CDH8: variants seen among roughly 807,000 people sequenced by gnomAD.
The protein encoded by CDH8 is cadherin-8.
Under a neutral mutation model 68.1 loss-of-function variants are expected in CDH8, and 17 were observed. The observed-to-expected ratio is 0.25, with a 90% CI of 0.17 to 0.37. The LOEUF is 0.37. CDH8 is among the 10% of genes least tolerant of loss of function. CDH8 has a pLI of 1.00. For missense variants in CDH8, 763 were observed against 999.3 expected (o/e 0.76, Z 3.19); for synonymous variants, 372 against 365.1 (o/e 1.02, Z -0.21).
intron 10 of CDH8, among the ~76,000 whole-genome samples, chr16:61,683,207 C>G (rs1444827249): frequency 1.3e-5 from 2 of 151,870 alleles, no homozygotes; most frequent in Non-Finnish European, 2.9e-5. Context: ...CAGAGTTGGG[C>G]AAAATTTTCA....
At chr16:61,972,190 A>C (rs924028053) in intron 2 of CDH8, among the ~76,000 whole-genome samples, 1 of 152,166 alleles carries the variant, frequency 6.6e-6, no homozygotes, top group Admixed American at 6.5e-5. Context: ...GCCTGCCACC[A>C]TGTAAGATGT....
At chr16:61,979,252 C>T (rs928339288) in intron 2 of CDH8, among the ~76,000 whole-genome samples, 4 of 152,034 alleles carry the variant, frequency 2.6e-5, no homozygotes, top group East Asian at 1.9e-4. Flanking sequence ...TCACCCCTGG[C>T]GGATAACATG....
chr16:62,021,232 G>T lies in CDH8; in HGVS notation c.172C>A (p.Arg58Ser). 1 of 1,613,938 alleles carries T rather than the reference G, an allele frequency of 6.2e-7. No homozygotes were observed. The highest frequency in any genetic ancestry group is 8.5e-7 in the Non-Finnish European group (1 of 1,179,940). Residue 58 changes from arginine (R) to serine (S), a missense_variant, in exon 2 of 12, where the codon CGC becomes AGC. Transcript: ENST00000577390. ...TTCCAAACCCAGCCTCTTTTGGAGC[G>T]GTTCAAAATTCGCTGTTCTTCACCC... Reference protein sequence around the residue: ...SLGEEQRILNRSKRGWVWNQM... With the variant: ...SLGEEQRILNSSKRGWVWNQM...
chr16:61,868,610 A>G (rs1034911559), intron 3 of CDH8, among the ~76,000 whole-genome samples: 1 of 152,170 alleles, frequency 6.6e-6, no homozygotes, highest in Non-Finnish European at 1.5e-5. Flanking sequence ...AACTTCCTAT[A>G]GAGGAAATAA....
At chr16:61,819,462 T>G (rs1269995361) in intron 6 of CDH8, among the ~76,000 whole-genome samples, 1 of 152,106 alleles carries the variant, frequency 6.6e-6, no homozygotes, top group Non-Finnish European at 1.5e-5. Context: ...GGTTATTCAA[T>G]AATTGACTCA....
chr16:61,981,096 T>C (rs904200700), intron 2 of CDH8, among the ~76,000 whole-genome samples: 3 of 152,212 alleles, frequency 2.0e-5, no homozygotes, highest in Non-Finnish European at 4.4e-5. Flanking sequence ...ACTTAGAAAG[T>C]GTTAGCTATT....
chr16:61,697,473 T>C (rs1319558123), intron 10 of CDH8, among the ~76,000 whole-genome samples: 1 of 150,194 alleles, frequency 6.7e-6, no homozygotes, highest in African/African-American at 2.5e-5. Context: ...TGAGATGCAG[T>C]CAGAACTACA....
intron 2 of CDH8, among the ~76,000 whole-genome samples, chr16:61,905,390 T>G (rs570880569): frequency 6.6e-6 from 1 of 152,232 alleles, no homozygotes; most frequent in African/African-American, 2.4e-5. Flanking sequence ...GAGCCATTAA[T>G]ATATTAATAT....
rs1959219619 is a variant in CDH8 at position 61,721,704 on chromosome 16, A to G, written c.1536+5390T>C. Among the ~76,000 whole-genome samples, 3 of 150,908 alleles carry G rather than the reference A, an allele frequency of 2.0e-5. No individual in the cohort carries two copies. In the South Asian group the frequency reaches 6.2e-4, roughly 31 times the overall value. On this transcript the variant is annotated intron_variant, in intron 9 of 11. Transcript: ENST00000577390. ...AGACTCATATTCTCATGATTATTTTATAAGAGATGTGTCACACAGACATAG... is the reference window on the plus strand; with the variant it reads ...AGACTCATATTCTCATGATTATTTTGTAAGAGATGTGTCACACAGACATAG...
At chr16:61,843,642 A>T (rs1962735426) in intron 4 of CDH8, among the ~76,000 whole-genome samples, 1 of 152,192 alleles carries the variant, frequency 6.6e-6, no homozygotes, top group South Asian at 2.1e-4. Context: ...GTGACCACTC[A>T]GAGGCTTAGC....
chr16:61,811,942 T>C (rs1414295443), intron 7 of CDH8, among the ~76,000 whole-genome samples: 1 of 152,206 alleles, frequency 6.6e-6, no homozygotes. Flanking sequence ...GTTTTAGTTA[T>C]GCAAAATAAA....
At position 61,901,258 on chromosome 16, in the gene CDH8, T is replaced by C; in HGVS notation, c.468A>G (p.Lys156=). ...GTGCATTGTCATTGATGTCTTGAAC[T>C]TTAATAATAAATTCAGAAGGAGGCT... ...PLEPPSEFII[K]VQDINDNAPE... The change falls in exon 3 of 12, where the codon AAA becomes AAG. Residue 156 remains lysine (K), a synonymous_variant. Coordinates refer to ENST00000577390, the MANE Select transcript of CDH8 (RefSeq NM_001796.5). 6.2e-7 allele frequency: 1 copy of C among 1,614,072 alleles called. No homozygotes were observed. The highest frequency in any genetic ancestry group is 1.3e-5 in the African/African-American group (1 of 75,054).
chr16:61,723,652 A>G (rs374886408), intron 9 of CDH8, among the ~76,000 whole-genome samples: 1 of 150,782 alleles, frequency 6.6e-6, no homozygotes, highest in Non-Finnish European at 1.5e-5. Context: ...CTACATTTTC[A>G]GTATCTAGCC....
intron 2 of CDH8, among the ~76,000 whole-genome samples, chr16:62,007,502 A>G (rs139864001): frequency 0.011 from 1,670 of 152,318 alleles, 23 homozygotes; most frequent in Admixed American, 0.023. Flanking sequence ...TTGTTGGTTC[A>G]CTCAGATTGT....
chr16:61,900,732 G>A (rs1018328856), intron 3 of CDH8, among the ~76,000 whole-genome samples: 1 of 152,134 alleles, frequency 6.6e-6, no homozygotes, highest in African/African-American at 2.4e-5. Flanking sequence ...AACCACTAGA[G>A]CAACCTAATA....
chr16:62,007,770 T>C (rs1901708288), intron 2 of CDH8, among the ~76,000 whole-genome samples: 1 of 152,066 alleles, frequency 6.6e-6, no homozygotes, highest in Non-Finnish European at 1.5e-5. Flanking sequence ...GCCTTCCCTC[T>C]TTCTCTCTGG....
chr16:61,974,674 G>A (rs778904362), intron 2 of CDH8, among the ~76,000 whole-genome samples: 8 of 152,096 alleles, frequency 5.3e-5, no homozygotes, highest in African/African-American at 1.7e-4. Flanking sequence ...GCATCACAGC[G>A]AAGTATTCTC....
At chr16:61,738,245 G>A (rs1400718663) in intron 8 of CDH8, among the ~76,000 whole-genome samples, 1 of 152,120 alleles carries the variant, frequency 6.6e-6, no homozygotes. Flanking sequence ...CTGCCAAAAA[G>A]CATGCTATCT....
intron 3 of CDH8, among the ~76,000 whole-genome samples, chr16:61,858,645 G>A (rs995917380): frequency 4.6e-5 from 7 of 152,160 alleles, no homozygotes; most frequent in African/African-American, 1.7e-4. Context: ...TCACTGGAGA[G>A]CATTTTAAAT....
Sources: gnomAD v4.1 joint callset for allele counts (sites outside exome capture counted in the v4.1 genomes callset) on GRCh38, gnomAD v4.1.1 for gene constraint, MANE v1.5 for transcripts, NCBI Gene and HGNC (gene_info 2026-07-23, HGNC 2026-07-21) for gene names.